FPR3: variants seen among roughly 807,000 people sequenced by gnomAD.
FPR3 encodes formyl peptide receptor 3.
For missense variants in FPR3, 346 were observed against 443.2 expected, an observed-to-expected ratio of 0.78 and a Z score of 1.97; for synonymous variants, 135 against 163.6, an observed-to-expected ratio of 0.83 and a Z score of 1.34.
At position 51,824,716 on chromosome 19, in the gene FPR3, G is replaced by A. The variant is rs772839034; in HGVS notation, c.968G>A (p.Arg323Lys). The A allele has an allele frequency of 3.0e-5, 48 of 1,613,944 alleles. 1 individual carries two copies. The Middle Eastern group carries it at 6.6e-4, about 22-fold the overall frequency. Residue 323 changes from arginine (R) to lysine (K), a missense_variant, in exon 2 of 2, where the codon AGG becomes AAG. By Grantham distance (26) the Arg-to-Lys change is conservative. Coordinates refer to ENST00000339223, the MANE Select transcript of FPR3 (RefSeq NM_002030.5). The surrounding 1 kb of genome is among the most constrained non-coding windows in gnomAD (Gnocchi z 4.7). ...CGCTCTTTGCCCACTAGTTTGGAGA[G>A]GGCCCTGACTGAGGTCCCTGACTCA... is the stretch of plus-strand genomic sequence containing the variant. ...LIRSLPTSLE[R>K]ALTEVPDSAQ...
At chr19:51,813,689 C>T (rs761882545) in intron 1 of FPR3, among the ~76,000 whole-genome samples, 44 of 152,202 alleles carry the variant, frequency 2.9e-4, no homozygotes, top group Non-Finnish European at 5.3e-4. Flanking sequence ...TGCCACCACG[C>T]CCAGCTAATT....
intron 1 of FPR3, among the ~76,000 whole-genome samples, chr19:51,797,877 CTT>C (rs753127261): frequency 4.2e-5 from 3 of 71,508 alleles, no homozygotes; most frequent in Non-Finnish European, 7.1e-5. Context: ...CATGTCTATT[CTT>C]TTTTTTTTTT....
intron 1 of FPR3, among the ~76,000 whole-genome samples, chr19:51,800,398 G>C (rs1006092046): frequency 6.6e-6 from 1 of 152,212 alleles, no homozygotes; most frequent in Admixed American, 6.5e-5. Context: ...TTTATGTCCA[G>C]TATAAACCTG....
At chr19:51,799,908 G>T (rs999402102) in intron 1 of FPR3, among the ~76,000 whole-genome samples, 6 of 152,368 alleles carry the variant, frequency 3.9e-5, no homozygotes, top group Admixed American at 1.3e-4. Flanking sequence ...CCTCCAGCCA[G>T]AGAGAGCTGG....
intron 1 of FPR3, among the ~76,000 whole-genome samples, chr19:51,818,654 G>C (rs147056860): frequency 8.9e-4 from 136 of 152,272 alleles, no homozygotes; most frequent in African/African-American, 3.1e-3. Flanking sequence ...TCCAGAGGAA[G>C]ATCATAGTAG....
chr19:51,798,853 G>A (rs1283403800), intron 1 of FPR3, among the ~76,000 whole-genome samples: 1 of 152,142 alleles, frequency 6.6e-6, no homozygotes, highest in African/African-American at 2.4e-5. Flanking sequence ...AATTGCTGTA[G>A]CTTGGCTGGG....
At chr19:51,800,700 A>G (rs1431564507) in intron 1 of FPR3, among the ~76,000 whole-genome samples, 1 of 152,080 alleles carries the variant, frequency 6.6e-6, no homozygotes, top group Non-Finnish European at 1.5e-5. Flanking sequence ...AGTCTGCAAA[A>G]TGGTGGGGGG....
chr19:51,796,980 T>A (rs1038026778), intron 1 of FPR3, among the ~76,000 whole-genome samples: 2 of 152,100 alleles, frequency 1.3e-5, no homozygotes, highest in Non-Finnish European at 2.9e-5. Flanking sequence ...AAATTTAGAA[T>A]AGAAAACACC....
Position 51,824,785 on chromosome 19 carries a change from A to T in FPR3, c.1037A>T (p.Glu346Val). 6.2e-7 allele frequency: 1 copy of T among 1,612,796 alleles called. No homozygotes were observed. Among genetic ancestry groups the T allele is most frequent in the South Asian group, 1.1e-5 (1 of 90,996 alleles). Residue 346 changes from glutamate to valine, a missense_variant, in exon 2 of 2, where the codon GAG (glutamate) becomes GTG (valine). By Grantham distance (121) the Glu-to-Val change is moderately radical. Coordinates refer to ENST00000339223, the MANE Select transcript of FPR3 (RefSeq NM_002030.5). This position sits in a 1 kb window ranked among gnomAD's most constrained non-coding sequence, Gnocchi z 4.7. ...GACACCACTTCTGCTTCACCTCCTG[A>T]GGAGACGGAGTTACAAGCAATGTGA... Reference protein sequence around the residue: ...NTDTTSASPPEETELQAM With the variant: ...NTDTTSASPPVETELQAM
At chr19:51,799,765 T>G (rs114672274) in intron 1 of FPR3, among the ~76,000 whole-genome samples, 2,083 of 152,296 alleles carry the variant, frequency 0.014, 51 homozygotes, top group African/African-American at 0.048. Context: ...CAGAAACCCT[T>G]TCTGGGATCA....
chr19:51,796,929 A>T (rs1045464907), intron 1 of FPR3, among the ~76,000 whole-genome samples: 1 of 152,350 alleles, frequency 6.6e-6, no homozygotes, highest in South Asian at 2.1e-4. Context: ...AGACTGGATG[A>T]TATCATTTAT....
At chr19:51,811,270 A>G (rs2084094782) in intron 1 of FPR3, among the ~76,000 whole-genome samples, 1 of 152,154 alleles carries the variant, frequency 6.6e-6, no homozygotes, top group Admixed American at 6.5e-5. Flanking sequence ...ACCATGGGTT[A>G]TGTGTAATAA....
In FPR3 at chr19:51,823,782, A is replaced by G; in HGVS notation, c.34A>G (p.Thr12Ala). 1 of 1,608,418 alleles carries G rather than the reference A, an allele frequency of 6.2e-7. No individual in the cohort carries two copies. The highest frequency in any genetic ancestry group is 8.5e-7 in the Non-Finnish European group (1 of 1,177,006). The change falls in exon 2 of 2, where the codon ACT (threonine) becomes GCT (alanine). Residue 12 changes from threonine to alanine, a missense_variant. Coordinates refer to ENST00000339223, the MANE Select transcript of FPR3 (RefSeq NM_002030.5). ...ETNFSIPLNE[T>A]EEVLPEPAGH... ...CAACTTCTCCATTCCTCTGAATGAA[A>G]CTGAGGAGGTGCTCCCTGAGCCTGC...
chr19:51,796,483 G>T (rs2083999804), intron 1 of FPR3, among the ~76,000 whole-genome samples: 1 of 152,168 alleles, frequency 6.6e-6, no homozygotes, highest in South Asian at 2.1e-4. Context: ...TTTGGTTTCT[G>T]TCTGGAGAAT....
intron 1 of FPR3, among the ~76,000 whole-genome samples, chr19:51,820,654 T>C (rs1393938072): frequency 6.6e-6 from 1 of 152,208 alleles, no homozygotes; most frequent in Admixed American, 6.5e-5. Flanking sequence ...TGGAGAGTGG[T>C]AGAGAAAATC....
At chr19:51,800,428 C>G (rs2084021477) in intron 1 of FPR3, among the ~76,000 whole-genome samples, 1 of 152,172 alleles carries the variant, frequency 6.6e-6, no homozygotes, top group Non-Finnish European at 1.5e-5. Context: ...CAGTGCCCAC[C>G]ACTGCTTACA....
chr19:51,819,613 T>G (rs1269388110), intron 1 of FPR3, among the ~76,000 whole-genome samples: 1 of 152,098 alleles, frequency 6.6e-6, no homozygotes, highest in African/African-American at 2.4e-5. Flanking sequence ...GTCATGTGTA[T>G]CCTTAGGAGA....
At chr19:51,797,231 A>G (rs2122406003) in intron 1 of FPR3, among the ~76,000 whole-genome samples, 1 of 152,310 alleles carries the variant, frequency 6.6e-6, no homozygotes, top group East Asian at 1.9e-4. Context: ...GTGGAGTGCT[A>G]AGGACAGAAG....
intron 1 of FPR3, chr19:51,803,721 G>C (rs1343034726): frequency 6.6e-6 from 1 of 152,164 alleles, no homozygotes; most frequent in African/African-American, 2.4e-5. Flanking sequence ...GAGACCTCTA[G>C]ATAGGAGAGC....
Sources: gnomAD v4.1 joint callset for allele counts (sites outside exome capture counted in the v4.1 genomes callset) on GRCh38, gnomAD v4.1.1 for gene constraint, Gnocchi (gnomAD v3.1) non-coding constraint, MANE v1.5 for transcripts, NCBI Gene and HGNC (gene_info 2026-07-23, HGNC 2026-07-21) for gene names.